Variants in ADAMTS17 observed in about 807,000 individuals in gnomAD.
ADAMTS17 encodes ADAM metallopeptidase with thrombospondin type 1 motif 17, also known as A disintegrin and metalloproteinase with thrombospondin motifs 17.
Under a neutral mutation model 141.5 loss-of-function variants are expected in ADAMTS17, and 113 were observed. The ratio of observed to expected loss-of-function variants is 0.80; its 90% CI spans 0.69 to 0.93. ADAMTS17 has a LOEUF of 0.93. ADAMTS17 is among the 40% of genes least tolerant of loss of function. The pLI is 0.00. For synonymous variants in ADAMTS17, 768 were observed against 630.6 expected (o/e 1.22, Z -3.27); for missense variants, 1,659 against 1,517.9 (o/e 1.09, Z -1.54).
chr15:99,997,497 C>T lies in ADAMTS17; in HGVS notation c.2684G>A (p.Gly895Asp). 1 of 1,613,582 alleles carries T rather than the reference C, an allele frequency of 6.2e-7. No homozygotes were observed. Residue 895 changes from glycine to aspartate, a missense_variant, in exon 19 of 22, where the codon GGC becomes GAC. Physicochemically the swap from Gly to Asp is moderately conservative, Grantham distance 94. Coordinates refer to ENST00000268070, the MANE Select transcript of ADAMTS17 (RefSeq NM_139057.4). This position sits in a 1 kb window ranked among gnomAD's most constrained non-coding sequence, Gnocchi z 4.7. ...GAGGGGCCGCGTAGCGACGTGTGTG[C>T]CGTTCTGCAGCTGGTACACGCAGGT... ...EVTCVYQLQN[G>D]THVATRPLYC... is the part of the protein sequence containing the mutation.
At chr15:100,174,108 C>T (rs1269998988) in intron 8 of ADAMTS17, among the ~76,000 whole-genome samples, 3 of 152,172 alleles carry the variant, frequency 2.0e-5, no homozygotes, top group Non-Finnish European at 4.4e-5. Context: ...CTCCTTTTTC[C>T]CACAAAGTCC....
Position 100,068,601 on chromosome 15 carries a change from C to T in ADAMTS17, c.2138-14547G>A, listed in dbSNP as rs555427062. 2.5e-3 allele frequency among the ~76,000 whole-genome samples: 388 copies of T among 152,340 alleles called. 5 individuals carry two copies. The highest frequency in any genetic ancestry group is 2.5e-3 in the Non-Finnish European group (171 of 68,044). On this transcript the variant is annotated intron_variant, in intron 15 of 21. Transcript: ENST00000268070. ...GCAACATCTGCTGTTCACCAATATCCGTTGTTCTGCAGCCTCTGCTGCTGA... is the reference window on the plus strand; with the variant it reads ...GCAACATCTGCTGTTCACCAATATCTGTTGTTCTGCAGCCTCTGCTGCTGA...
At chr15:99,980,948 C>T (rs1270594649) in intron 20 of ADAMTS17, among the ~76,000 whole-genome samples, 1 of 152,228 alleles carries the variant, frequency 6.6e-6, no homozygotes, top group East Asian at 1.9e-4. Flanking sequence ...TATGCCTGCT[C>T]TTCCCAGTGG....
At chr15:100,312,383 G>A (rs1250803234) in intron 3 of ADAMTS17, among the ~76,000 whole-genome samples, 1 of 152,154 alleles carries the variant, frequency 6.6e-6, no homozygotes, top group Non-Finnish European at 1.5e-5. Flanking sequence ...GAAAAAATGA[G>A]GAAACAGATT....
intron 7 of ADAMTS17, among the ~76,000 whole-genome samples, chr15:100,252,371 G>A (rs1021120162): frequency 6.6e-6 from 1 of 152,200 alleles, no homozygotes; most frequent in Non-Finnish European, 1.5e-5. Flanking sequence ...GCCAGGTGCT[G>A]AAGGACACAC....
At chr15:100,035,234 C>A (rs566932315) in intron 18 of ADAMTS17, among the ~76,000 whole-genome samples, 1 of 152,156 alleles carries the variant, frequency 6.6e-6, no homozygotes, top group Non-Finnish European at 1.5e-5. Context: ...GACAGGCAGT[C>A]CTGAATGTTT....
chr15:100,144,327 G>C (rs1033860393), intron 10 of ADAMTS17, among the ~76,000 whole-genome samples: 1 of 152,100 alleles, frequency 6.6e-6, no homozygotes, highest in Admixed American at 6.6e-5. Context: ...TGAGGCGGGT[G>C]GATCACCTGA....
At chr15:100,288,837 TGA>T (rs1276642213) in intron 3 of ADAMTS17, among the ~76,000 whole-genome samples, 8 of 152,286 alleles carry the variant, frequency 5.3e-5, no homozygotes, top group Middle Eastern at 6.8e-3. Context: ...CCAAAATCTT[TGA>T]GAGACAGCTA....
intron 18 of ADAMTS17, among the ~76,000 whole-genome samples, chr15:100,031,691 T>G (rs1204216084): frequency 2.6e-5 from 4 of 152,178 alleles, no homozygotes; most frequent in African/African-American, 9.7e-5. Flanking sequence ...GATGAGCAAT[T>G]CTGGGATGAC....
intron 7 of ADAMTS17, among the ~76,000 whole-genome samples, chr15:100,207,925 A>G (rs2141694342): frequency 6.6e-6 from 1 of 152,310 alleles, no homozygotes; most frequent in East Asian, 1.9e-4. Context: ...GAGATGTTCT[A>G]AAAACACTCA....
At chr15:100,201,137 G>C (rs184961784) in intron 7 of ADAMTS17, among the ~76,000 whole-genome samples, 1 of 152,350 alleles carries the variant, frequency 6.6e-6, no homozygotes, top group East Asian at 1.9e-4. Context: ...GCCATACACA[G>C]GGTGGTCCCT....
chr15:100,109,263 G>GCTCCTCTAAACACGCGGCACAT, intron 13 of ADAMTS17, 147 bp from the exon 14 acceptor site: 1 of 1,085,962 alleles, frequency 9.2e-7, no homozygotes, highest in Non-Finnish European at 1.3e-6. Context: ...ACGCGCTCCA[G>GCTCCTCTAAACACGCGGCACAT]GAAGCGGAAA....
intron 7 of ADAMTS17, among the ~76,000 whole-genome samples, chr15:100,210,840 G>A (rs1334412010): frequency 1.3e-5 from 2 of 152,096 alleles, no homozygotes; most frequent in African/African-American, 2.4e-5. Flanking sequence ...GGTGGCTCAC[G>A]CCTGTAATCC....
intron 3 of ADAMTS17, among the ~76,000 whole-genome samples, chr15:100,327,374 A>T (rs145118808): frequency 6.6e-6 from 1 of 152,352 alleles, no homozygotes; most frequent in Non-Finnish European, 1.5e-5. Context: ...ACAGAACTTA[A>T]CCTATAAAGT....
intron 15 of ADAMTS17, chr15:100,063,590 G>A: frequency 8.7e-7 from 1 of 1,149,806 alleles, no homozygotes; most frequent in Non-Finnish European, 1.2e-6. Flanking sequence ...CCATAACCCG[G>A]GAGGAATGAC....
chr15:100,006,944 C>T (rs1331063568), intron 18 of ADAMTS17, among the ~76,000 whole-genome samples: 5 of 152,210 alleles, frequency 3.3e-5, no homozygotes, highest in African/African-American at 1.2e-4. Flanking sequence ...GCCACTGGCA[C>T]GGTCAACCCG....
At chr15:100,316,878 T>C (rs919705422) in intron 3 of ADAMTS17, among the ~76,000 whole-genome samples, 11 of 152,234 alleles carry the variant, frequency 7.2e-5, no homozygotes, top group African/African-American at 2.7e-4. Flanking sequence ...GGGCAGGCCC[T>C]GCCCAAGGCC....
At chr15:99,985,156 A>C (rs1203214776) in intron 20 of ADAMTS17, among the ~76,000 whole-genome samples, 1 of 152,216 alleles carries the variant, frequency 6.6e-6, no homozygotes, top group Non-Finnish European at 1.5e-5. Flanking sequence ...GGACTCACAC[A>C]CAGTGTTCCA....
At chr15:100,288,922 C>T (rs1180062720) in intron 3 of ADAMTS17, among the ~76,000 whole-genome samples, 2 of 152,090 alleles carry the variant, frequency 1.3e-5, no homozygotes, top group East Asian at 3.9e-4. Flanking sequence ...AATTAATGAT[C>T]TGACATCACA....
Sources: gnomAD v4.1 joint callset for allele counts (sites outside exome capture counted in the v4.1 genomes callset) on GRCh38, gnomAD v4.1.1 for gene constraint, Gnocchi (gnomAD v3.1) non-coding constraint, MANE v1.5 for transcripts, NCBI Gene and HGNC (gene_info 2026-07-23, HGNC 2026-07-21) for gene names.